Variants in SCN11A observed in about 807,000 individuals in gnomAD.
The protein encoded by SCN11A is sodium channel protein type 11 subunit alpha.
A neutral mutation model predicts 162.2 loss-of-function variants in SCN11A; 122 were observed. The observed-to-expected ratio is 0.75, with a 90% confidence interval of 0.65 to 0.87. The LOEUF is 0.87. Among genes scored for constraint, SCN11A ranks in the 40% least tolerant of loss-of-function variants. The pLI, the probability that SCN11A is intolerant of heterozygous loss-of-function variation, is 0.00. For synonymous variants in SCN11A, 758 were observed against 751.5 expected, an observed-to-expected ratio of 1.01 and a Z score of -0.14; for missense variants, 2,015 against 2,181.6, an observed-to-expected ratio of 0.92 and a Z score of 1.52.
chr3:39,031,287 G>C (rs746856705), intron 2 of SCN11A, among the ~76,000 whole-genome samples: 1 of 152,060 alleles, frequency 6.6e-6, no homozygotes, highest in African/African-American at 2.4e-5. Flanking sequence ...ACACTTTGGC[G>C]GGCCAAAGCA....
At position 38,850,475 on chromosome 3, in the gene SCN11A, A is replaced by T. The variant is rs1040380754; in HGVS notation, c.4327+6T>A. The T allele has an allele frequency of 1.2e-6, 2 of 1,608,970 alleles. No individual in the cohort carries two copies. Among genetic ancestry groups the T allele is most frequent in the Non-Finnish European group, 1.7e-6 (2 of 1,176,798 alleles). ...TAAAGTCCCTCTGACTGCTGATTTT[A>T]CTTACTAACAATGGAAAGAAGCACG... is the stretch of plus-strand genomic sequence containing the variant. On this transcript the variant is annotated splice_donor_region_variant and intron_variant, in intron 29 of 29. Transcript: ENST00000302328.
chr3:39,035,647 G>T (rs13095196), intron 1 of SCN11A, among the ~76,000 whole-genome samples: 13,687 of 147,392 alleles, frequency 0.093, 741 homozygotes, highest in Admixed American at 0.14. Flanking sequence ...AACATGGAAG[G>T]TTTTTTTTTT....
At chr3:39,022,354 C>A (rs2031474679) in intron 2 of SCN11A, among the ~76,000 whole-genome samples, 1 of 152,228 alleles carries the variant, frequency 6.6e-6, no homozygotes, top group African/African-American at 2.4e-5. Flanking sequence ...CTTTGCCCCT[C>A]CCTTGAAGTG....
At chr3:38,866,808 T>G (rs1300082851) in intron 27 of SCN11A, among the ~76,000 whole-genome samples, 2 of 152,192 alleles carry the variant, frequency 1.3e-5, no homozygotes, top group Non-Finnish European at 2.9e-5. Flanking sequence ...TTTATTACAA[T>G]GCATAGGGAA....
rs2065566186 is a variant in SCN11A, at chr3:38,894,817, CAA to C, written c.2549_2550del (p.Leu850ArgfsTer62). 6.2e-6 allele frequency: 10 copies of C among 1,614,200 alleles called. No individual in the cohort carries two copies. The highest frequency in any genetic ancestry group is 1.7e-5 in the Admixed American group (1 of 60,016). The stretch of plus-strand genomic sequence containing the variant: ...CTGCACCACTTGTGACAGAAATGCT[CAA>C]GAGTGTGTCTCACAAAACAAAAAGC... Reference protein sequence around the residue: ...RRAFCFVRHTLEHFCHKWCRK... With the variant: ...RRAFCFVRHTXEHFCHKWCRK... On this transcript the variant is annotated frameshift_variant, in exon 19 of 30. Transcript: ENST00000302328. LOFTEE classifies it high-confidence loss of function.
intron 27 of SCN11A, among the ~76,000 whole-genome samples, chr3:38,865,640 G>A (rs909056883): frequency 6.6e-6 from 1 of 152,098 alleles, no homozygotes; most frequent in African/African-American, 2.4e-5. Flanking sequence ...ACAAGATTGG[G>A]AGTTTGACTC....
chr3:38,909,925 T>A, intron 12 of SCN11A, 141 bp downstream of exon 12: 1 of 904,418 alleles, frequency 1.1e-6, no homozygotes, highest in Non-Finnish European at 1.6e-6. Context: ...ACAGTACAAC[T>A]GTTAAAGATG....
chr3:38,920,070 TGCA>T, intron 10 of SCN11A, 69 bp from the exon 11 acceptor site: 1 of 1,174,426 alleles, frequency 8.5e-7, no homozygotes, highest in Non-Finnish European at 1.3e-6. Context: ...ATAGTAAGTA[TGCA>T]GATTATGCTT....
At chr3:38,974,709 A>AAAAAAAAAAAAG (rs1553647127) in intron 2 of SCN11A, among the ~76,000 whole-genome samples, 11 of 130,368 alleles carry the variant, frequency 8.4e-5, no homozygotes, top group East Asian at 4.7e-4. Flanking sequence ...AAAAAAAAAA[A>AAAAAAAAAAAAG]AAAAGAAAAG....
chr3:38,853,885 T>C (rs945552201), intron 28 of SCN11A, among the ~76,000 whole-genome samples: 1 of 152,172 alleles, frequency 6.6e-6, no homozygotes, highest in Non-Finnish European at 1.5e-5. Flanking sequence ...CTCTAAAGTA[T>C]GTATACAACA....
intron 28 of SCN11A, among the ~76,000 whole-genome samples, chr3:38,851,682 TA>T (rs2064782234): frequency 6.6e-6 from 1 of 152,246 alleles, no homozygotes; most frequent in Non-Finnish European, 1.5e-5. Context: ...TATTGTTTTA[TA>T]TTATATTATC....
At chr3:38,989,811 T>C (rs543284295) in intron 2 of SCN11A, among the ~76,000 whole-genome samples, 1 of 152,284 alleles carries the variant, frequency 6.6e-6, no homozygotes, top group East Asian at 1.9e-4. Flanking sequence ...TGCAGCACAT[T>C]ATGAAAATAA....
intron 10 of SCN11A, among the ~76,000 whole-genome samples, chr3:38,920,472 C>T (rs1160048943): frequency 6.6e-6 from 1 of 152,112 alleles, no homozygotes; most frequent in Non-Finnish European, 1.5e-5. Flanking sequence ...GTGGGCAGAT[C>T]ACGAGGTCAG....
chr3:39,037,218 C>T (rs968446219), intron 1 of SCN11A, among the ~76,000 whole-genome samples: 6 of 152,098 alleles, frequency 3.9e-5, no homozygotes, highest in Non-Finnish European at 8.8e-5. Flanking sequence ...TGAAATAAGC[C>T]AGGCATAGAA....
intron 19 of SCN11A, among the ~76,000 whole-genome samples, chr3:38,887,332 G>A (rs578089969): frequency 1.3e-5 from 2 of 151,682 alleles, no homozygotes; most frequent in African/African-American, 4.8e-5. Context: ...TAATTCAAGA[G>A]GGGCCACTGG....
At chr3:38,941,284 G>A (rs1306443000) in intron 7 of SCN11A, among the ~76,000 whole-genome samples, 1 of 152,128 alleles carries the variant, frequency 6.6e-6, no homozygotes, top group Non-Finnish European at 1.5e-5. Context: ...AAATTGTCAA[G>A]CACTGATTCT....
intron 18 of SCN11A, among the ~76,000 whole-genome samples, chr3:38,896,154 C>T (rs4280575): frequency 0.44 from 67,241 of 152,010 alleles, 16,506 homozygotes; most frequent in East Asian, 0.63. Context: ...TCTCTTTTCA[C>T]TCTACCTGCC....
chr3:39,051,118 T>C (rs1333805149), intron 1 of SCN11A, among the ~76,000 whole-genome samples: 1 of 147,302 alleles, frequency 6.8e-6, no homozygotes, highest in African/African-American at 2.5e-5. Flanking sequence ...TCTTTTTGTC[T>C]TGTTTTTTTT....
At chr3:38,863,786 C>A (rs2065001822) in intron 27 of SCN11A, among the ~76,000 whole-genome samples, 1 of 151,862 alleles carries the variant, frequency 6.6e-6, no homozygotes. Flanking sequence ...CACTACTGAG[C>A]AAGAAAGAAT....
Sources: allele counts gnomAD v4.1 joint callset (sites outside exome capture counted in the v4.1 genomes callset), GRCh38; gene constraint gnomAD v4.1.1; transcripts MANE v1.5; gene names NCBI Gene and HGNC (gene_info 2026-07-23, HGNC 2026-07-21).